Variants in MICU1 observed in about 807,000 individuals in gnomAD.
MICU1 encodes the protein mitochondrial calcium uptake 1.
A neutral mutation model predicts 56.8 loss-of-function variants in MICU1; 45 were observed. The observed-to-expected ratio is 0.79, with a 90% confidence interval of 0.62 to 1.02. MICU1 has a LOEUF of 1.02. Ranked by LOEUF, MICU1 falls within the 50% of genes least tolerant of loss-of-function variation. The probability of loss-of-function intolerance (pLI) is 0.00; values close to 1 mark genes in which losing one functional copy is unlikely to be tolerated. For missense variants in MICU1, 504 were observed against 587.1 expected, an observed-to-expected ratio of 0.86 and a Z score of 1.46; for synonymous variants, 186 against 195.1, an observed-to-expected ratio of 0.95 and a Z score of 0.39.
At chr10:72,522,405 C>T (rs980335374) in intron 5 of MICU1, among the ~76,000 whole-genome samples, 2 of 152,066 alleles carry the variant, frequency 1.3e-5, no homozygotes, top group Admixed American at 6.6e-5. Context: ...CAAATTCAAA[C>T]ACAACATAAT....
chr10:72,598,009 G>A (rs1007587184), intron 1 of MICU1, among the ~76,000 whole-genome samples: 15 of 152,152 alleles, frequency 9.9e-5, no homozygotes, highest in African/African-American at 3.6e-4. Flanking sequence ...AATCTGAGGA[G>A]AAATGTGAAA....
At chr10:72,623,524 T>C (rs970659704) in intron 1 of MICU1, among the ~76,000 whole-genome samples, 1 of 151,960 alleles carries the variant, frequency 6.6e-6, no homozygotes, top group Non-Finnish European at 1.5e-5. Flanking sequence ...GGAGGATCGC[T>C]TGAGTCTGGG....
At chr10:72,477,934 T>A (rs537647393) in intron 6 of MICU1, among the ~76,000 whole-genome samples, 3 of 151,606 alleles carry the variant, frequency 2.0e-5, no homozygotes, top group African/African-American at 7.3e-5. Context: ...AGTAGTGCCA[T>A]CTTGGCTCAC....
At chr10:72,502,119 C>T (rs1022496814) in intron 6 of MICU1, among the ~76,000 whole-genome samples, 3 of 150,162 alleles carry the variant, frequency 2.0e-5, no homozygotes, top group South Asian at 2.1e-4. Context: ...TCTTGAACAC[C>T]TGTGAGTTCA....
chr10:72,566,035 TTTTC>T (rs1840425191), intron 2 of MICU1, among the ~76,000 whole-genome samples: 2 of 122,382 alleles, frequency 1.6e-5, no homozygotes, highest in African/African-American at 5.9e-5. Context: ...AAAGCATTCA[TTTTC>T]TTTTTTTTTT....
chr10:72,612,493 C>A (rs538027835), intron 1 of MICU1, among the ~76,000 whole-genome samples: 1 of 152,196 alleles, frequency 6.6e-6, no homozygotes, highest in South Asian at 2.1e-4. Context: ...AGTCAAATTG[C>A]TCCTTCAAAA....
intron 1 of MICU1, among the ~76,000 whole-genome samples, chr10:72,584,558 CT>C (rs61492943): frequency 1.4e-4 from 21 of 149,134 alleles, no homozygotes; most frequent in Admixed American, 2.7e-4. Flanking sequence ...TTAATACATA[CT>C]TTTTTTTTTT....
At chr10:72,427,342 G>A (rs897148467) in intron 8 of MICU1, among the ~76,000 whole-genome samples, 1 of 152,150 alleles carries the variant, frequency 6.6e-6, no homozygotes, top group Admixed American at 6.5e-5. Context: ...TGGTCTACAC[G>A]TATCTGGATG....
At chr10:72,536,508 G>A (rs796510472) in intron 4 of MICU1, among the ~76,000 whole-genome samples, 8 of 151,714 alleles carry the variant, frequency 5.3e-5, no homozygotes, top group East Asian at 1.9e-4. Flanking sequence ...CACCATGCCC[G>A]GCTAATTTTT....
intron 1 of MICU1, among the ~76,000 whole-genome samples, chr10:72,581,954 G>A (rs1840910780): frequency 6.6e-6 from 1 of 152,114 alleles, no homozygotes; most frequent in Non-Finnish European, 1.5e-5. Context: ...TTCAGATGGA[G>A]TTTTCACTCT....
chr10:72,486,020 G>A (rs967501041), intron 6 of MICU1, among the ~76,000 whole-genome samples: 1 of 151,692 alleles, frequency 6.6e-6, no homozygotes, highest in Non-Finnish European at 1.5e-5. Flanking sequence ...TAAAAAAAAA[G>A]TGACAAGAAA....
intron 8 of MICU1, among the ~76,000 whole-genome samples, chr10:72,471,718 A>G (rs936440986): frequency 6.6e-6 from 1 of 152,172 alleles, no homozygotes; most frequent in Non-Finnish European, 1.5e-5. Flanking sequence ...AATCACTTAC[A>G]TTCCCAGATT....
intron 6 of MICU1, among the ~76,000 whole-genome samples, chr10:72,488,167 T>C (rs1866536130): frequency 1.4e-5 from 2 of 142,218 alleles, no homozygotes; most frequent in African/African-American, 5.3e-5. Flanking sequence ...CACTCCAGCC[T>C]GGGCAACAAG....
chr10:72,531,261 G>C (rs997855331), intron 5 of MICU1, among the ~76,000 whole-genome samples: 1 of 152,022 alleles, frequency 6.6e-6, no homozygotes, highest in Non-Finnish European at 1.5e-5. Context: ...ATTCCTCTTA[G>C]GTGTTTAGCT....
chr10:72,486,411 G>A (rs1438481120), intron 6 of MICU1, among the ~76,000 whole-genome samples: 1 of 152,170 alleles, frequency 6.6e-6, no homozygotes, highest in Non-Finnish European at 1.5e-5. Context: ...GACGTATTTT[G>A]TAGAAAATTT....
At chr10:72,507,492 AT>A (rs1242855149) in intron 6 of MICU1, among the ~76,000 whole-genome samples, 2 of 152,196 alleles carry the variant, frequency 1.3e-5, no homozygotes, top group African/African-American at 4.8e-5. Flanking sequence ...AACCAAGCCA[AT>A]TTTCTTCTTT....
chr10:72,569,219 A>T (rs1840528423), intron 1 of MICU1, among the ~76,000 whole-genome samples: 1 of 37,750 alleles, frequency 2.6e-5, no homozygotes, highest in African/African-American at 1.3e-4. Context: ...ATATATATAT[A>T]TATATATATA....
intron 6 of MICU1, among the ~76,000 whole-genome samples, chr10:72,496,448 T>A (rs1379344533): frequency 6.6e-6 from 1 of 152,024 alleles, no homozygotes; most frequent in Non-Finnish European, 1.5e-5. Context: ...ATTACAGGCA[T>A]GCGCCACCAC....
At chr10:72,479,308 C>T (rs1866217288) in intron 6 of MICU1, among the ~76,000 whole-genome samples, 1 of 152,156 alleles carries the variant, frequency 6.6e-6, no homozygotes, top group Non-Finnish European at 1.5e-5. Flanking sequence ...AAATGATAAA[C>T]ACACACTCTT....
Sources: allele counts gnomAD v4.1 joint callset (sites outside exome capture counted in the v4.1 genomes callset), GRCh38; gene constraint gnomAD v4.1.1; transcripts MANE v1.5; gene names NCBI Gene and HGNC (gene_info 2026-07-23, HGNC 2026-07-21).